TMEM30A: variants seen among roughly 807,000 people sequenced by gnomAD.
TMEM30A encodes cell division cycle 50 P4-ATPase accessory subunit A.
A neutral mutation model predicts 38.2 loss-of-function variants in TMEM30A; 24 were observed. That is an observed-to-expected ratio of 0.63 (90% CI 0.46 to 0.88). The LOEUF (loss-of-function observed/expected upper bound fraction) is 0.88. TMEM30A is among the 40% of genes least tolerant of loss of function. TMEM30A has a pLI of 0.00. For missense variants in TMEM30A, 370 were observed against 458.6 expected, an observed-to-expected ratio of 0.81 and a Z score of 1.77; for synonymous variants, 145 against 161.6, an observed-to-expected ratio of 0.90 and a Z score of 0.78.
rs1191095684 is a variant in TMEM30A, at chr6:75,253,069, G to A, written c.*3033C>T. 1 of 151,876 alleles carries A rather than the reference G, an allele frequency of 6.6e-6. No individual in the cohort carries two copies. The highest frequency in any genetic ancestry group is 1.5e-5 in the Non-Finnish European group (1 of 67,958). 9.4% of individuals were successfully genotyped at this position (151,876 alleles called of 1,614,324 possible). A position where few individuals can be genotyped will look rare whatever the true frequency, so the allele number is the denominator to read the frequency against. On this transcript the variant is annotated 3_prime_UTR_variant, in exon 7 of 7. Transcript: ENST00000230461. ...TCCAAACCCTACAATAGACACTTAT[G>A]CATCAAAATTCTTGTAAAAGGACCA...
intron 1 of TMEM30A, among the ~76,000 whole-genome samples, chr6:75,282,097 T>C (rs1772367960): frequency 1.3e-5 from 2 of 152,218 alleles, no homozygotes; most frequent in Non-Finnish European, 2.9e-5. Context: ...CACATTTGAA[T>C]TGGAAATCAT....
chr6:75,279,217 T>A (rs1051187230), intron 1 of TMEM30A, among the ~76,000 whole-genome samples: 2 of 152,138 alleles, frequency 1.3e-5, no homozygotes, highest in Non-Finnish European at 2.9e-5. Flanking sequence ...GAAGACAATG[T>A]CCAATGTTGA....
chr6:75,260,262 C>T (rs1771940445), intron 4 of TMEM30A, among the ~76,000 whole-genome samples: 1 of 151,858 alleles, frequency 6.6e-6, no homozygotes, highest in South Asian at 2.1e-4. Flanking sequence ...AAAAAATAGC[C>T]AGGCGTGGTT....
chr6:75,284,682 A>G lies in TMEM30A; in HGVS notation c.-44T>C. 1.3e-6 allele frequency: 2 copies of G among 1,596,802 alleles called. No homozygotes were observed. The highest frequency in any genetic ancestry group is 1.7e-6 in the Non-Finnish European group (2 of 1,170,426). Reference sequence around the variant, plus strand: ...TCCGCGATTTGCAGGTGGACCACCCAGGGGGCCCGCCGGCTGACCCTGACA... The same window carrying G: ...TCCGCGATTTGCAGGTGGACCACCCGGGGGGCCCGCCGGCTGACCCTGACA... On this transcript the variant is annotated 5_prime_UTR_variant, in exon 1 of 7. Transcript: ENST00000230461.
chr6:75,282,317 A>G (rs1772371889), intron 1 of TMEM30A, among the ~76,000 whole-genome samples: 1 of 151,980 alleles, frequency 6.6e-6, no homozygotes, highest in Non-Finnish European at 1.5e-5. Context: ...AATCAGAATT[A>G]CACATGAGAG....
At chr6:75,266,734 G>C (rs942917886) in intron 2 of TMEM30A, among the ~76,000 whole-genome samples, 1 of 152,040 alleles carries the variant, frequency 6.6e-6, no homozygotes, top group Non-Finnish European at 1.5e-5. Flanking sequence ...TATCTTTATT[G>C]TCTGCCCATC....
rs765789326 is a variant in TMEM30A, at chr6:75,267,768, C to T, written c.238-20G>A. 5.9e-6 allele frequency: 9 copies of T among 1,532,622 alleles called. No individual in the cohort carries two copies. The South Asian group carries it at 8.3e-5, about 14-fold the overall frequency. 94.9% of individuals were successfully genotyped at this position (1,532,622 alleles called of 1,614,324 possible). On this transcript the variant is annotated intron_variant, in intron 1 of 6. Coordinates refer to ENST00000230461, the MANE Select transcript of TMEM30A (RefSeq NM_018247.4). ...ATCAATCTGCAAGAGAAAAATATAA[C>T]TAAGCACTTCCTTAGAGAAAGTGGA...
At position 75,274,906 on chromosome 6, in the gene TMEM30A, G is replaced by A. The variant is rs547684062; in HGVS notation, c.238-7158C>T. ...GGCGCCTGTAGTCCCAGCTACTCAG[G>A]AGGCTGAGGCAGGAGAACGGCATGA... is the stretch of plus-strand genomic sequence containing the variant. On this transcript the variant is annotated intron_variant, in intron 1 of 6. Coordinates refer to ENST00000230461, the MANE Select transcript of TMEM30A (RefSeq NM_018247.4). Among the ~76,000 whole-genome samples the A allele has an allele frequency of 1.7e-4, 26 of 152,060 alleles. No individual in the cohort carries two copies. The South Asian group carries it at 4.8e-3, about 28-fold the overall frequency.
intron 5 of TMEM30A, 120 bp downstream of exon 5, chr6:75,259,221 ATGAAGC>A: frequency 4.7e-6 from 5 of 1,061,738 alleles, no homozygotes; most frequent in Non-Finnish European, 6.8e-6. Flanking sequence ...CTAACTTGGT[ATGAAGC>A]TGAGGAAAGA....
At position 75,254,182 on chromosome 6, in the gene TMEM30A, A is replaced by T. The variant is rs1483374194; in HGVS notation, c.*1920T>A. 1 of 152,150 alleles carries T rather than the reference A, an allele frequency of 6.6e-6. No individual in the cohort carries two copies. Among genetic ancestry groups the T allele is most frequent in the African/African-American group, 2.4e-5 (1 of 41,442 alleles). The allele number at this position is 152,150 out of a possible 1,614,324, so 9.4% of individuals were successfully genotyped here. A position where few individuals can be genotyped will look rare whatever the true frequency, so the allele number is the denominator to read the frequency against. ...AGATTCCATCTTCTCCACAGATGAG[A>T]AAGTGCTGAAAGGGCTCTTCAACTT... On this transcript the variant is annotated 3_prime_UTR_variant, in exon 7 of 7. Transcript: ENST00000230461.
rs376022873 is a variant in TMEM30A, at chr6:75,272,884, C to A, written c.238-5136G>T. ...GAGATGGGTTCTTCCTCTCCATAAACCCATGGTAGCCAGTGTAAAGGTACA... is the reference window on the plus strand; with the variant it reads ...GAGATGGGTTCTTCCTCTCCATAAAACCATGGTAGCCAGTGTAAAGGTACA... On this transcript the variant is annotated intron_variant, in intron 1 of 6. Coordinates refer to ENST00000230461, the MANE Select transcript of TMEM30A (RefSeq NM_018247.4). 1.2e-3 allele frequency: 179 copies of A among 152,320 alleles called. 1 individual carries two copies. The highest frequency in any genetic ancestry group is 2.0e-3 in the Non-Finnish European group (134 of 68,052). The allele number at this position is 152,320 out of a possible 1,614,324, so 9.4% of individuals were successfully genotyped here.
intron 4 of TMEM30A, among the ~76,000 whole-genome samples, chr6:75,260,457 C>T (rs899138152): frequency 1.3e-5 from 2 of 152,018 alleles, no homozygotes; most frequent in African/African-American, 4.8e-5. Flanking sequence ...AAATTACCTA[C>T]AGGACTTGTA....
At chr6:75,274,668 C>T (rs904678017) in intron 1 of TMEM30A, among the ~76,000 whole-genome samples, 2 of 152,160 alleles carry the variant, frequency 1.3e-5, no homozygotes, top group African/African-American at 2.4e-5. Context: ...ATGAAAAACC[C>T]TATGGATGGT....
chr6:75,269,353 A>G (rs1772127150), intron 1 of TMEM30A, among the ~76,000 whole-genome samples: 1 of 152,192 alleles, frequency 6.6e-6, no homozygotes, highest in South Asian at 2.1e-4. Flanking sequence ...TACTGTCCTC[A>G]TAGTTTTGTA....
At chr6:75,274,353 A>C (rs929486584) in intron 1 of TMEM30A, among the ~76,000 whole-genome samples, 4 of 152,230 alleles carry the variant, frequency 2.6e-5, no homozygotes, top group African/African-American at 9.6e-5. Context: ...GGGTTTGAAC[A>C]GTATCCTGAA....
At chr6:75,260,978 C>A in intron 3 of TMEM30A, 67 bp from the exon 4 acceptor site, 1 of 1,061,164 alleles carries the variant, frequency 9.4e-7, no homozygotes. Context: ...ATGAGCTATC[C>A]CTAAATTACT....
rs1037829362 is a variant in TMEM30A, at chr6:75,267,514, G to T, written c.345+127C>A. 3.7e-4 allele frequency: 206 copies of T among 562,624 alleles called. 1 individual carries two copies. In the Middle Eastern group the frequency reaches 6.9e-3, roughly 19 times the overall value. 34.9% of individuals were successfully genotyped at this position (562,624 alleles called of 1,614,324 possible). ...ACACACAAAACGATCTTCCTCAAAA[G>T]CCTATAAACTCCAGTAAATTATACA... is the stretch of plus-strand genomic sequence containing the variant. On this transcript the variant is annotated intron_variant, in intron 2 of 6. Coordinates refer to ENST00000230461, the MANE Select transcript of TMEM30A (RefSeq NM_018247.4).
Position 75,255,983 on chromosome 6 carries a change from T to A in TMEM30A, c.*119A>T, listed in dbSNP as rs148293946. The A allele has an allele frequency of 2.9e-6, 2 of 679,400 alleles. No homozygotes were observed. Among genetic ancestry groups the A allele is most frequent in the Non-Finnish European group, 4.7e-6 (2 of 422,700 alleles). The allele number at this position is 679,400 out of a possible 1,614,324, so 42.1% of individuals were successfully genotyped here. On this transcript the variant is annotated 3_prime_UTR_variant, in exon 7 of 7. Coordinates refer to ENST00000230461, the MANE Select transcript of TMEM30A (RefSeq NM_018247.4). Reference sequence around the variant, plus strand: ...GCAAACAACAAAGACTGCTTTTTTTTAGAAAAGTTATGTGCCAACTTCAAA... The same window carrying A: ...GCAAACAACAAAGACTGCTTTTTTTAAGAAAAGTTATGTGCCAACTTCAAA...
At chr6:75,284,113 G>A in intron 1 of TMEM30A, 1 of 428,236 alleles carries the variant, frequency 2.3e-6, no homozygotes, top group Non-Finnish European at 4.3e-6. Context: ...CACTGAAGAA[G>A]CGTTCTCCAC....
Sources: allele counts gnomAD v4.1 joint callset (sites outside exome capture counted in the v4.1 genomes callset), GRCh38; gene constraint gnomAD v4.1.1; transcripts MANE v1.5; gene names NCBI Gene and HGNC (gene_info 2026-07-23, HGNC 2026-07-21).